Variants in MYO10 observed in about 807,000 individuals in gnomAD.
MYO10 encodes the protein myosin X.
In MYO10, 133 loss-of-function variants were observed where a neutral mutation model predicts 257.3. The ratio of observed to expected loss-of-function variants is 0.52; its 90% CI spans 0.45 to 0.60. The LOEUF (loss-of-function observed/expected upper bound fraction) is 0.60. Among genes scored for constraint, MYO10 ranks in the 20% least tolerant of loss-of-function variants. The pLI is 0.00. For synonymous variants in MYO10, 1,104 were observed against 1,028.6 expected (o/e 1.07, Z -1.40); for missense variants, 2,399 against 2,635.7 (o/e 0.91, Z 1.97).
intron 2 of MYO10, among the ~76,000 whole-genome samples, chr5:16,870,666 GTGAAT>G (rs1744427742): frequency 6.6e-6 from 1 of 152,158 alleles, no homozygotes; most frequent in Non-Finnish European, 1.5e-5. Context: ...GCCAAGGCGG[GTGAAT>G]CATCTGAGGT....
At chr5:16,851,094 A>T (rs1743790198) in intron 2 of MYO10, among the ~76,000 whole-genome samples, 1 of 152,126 alleles carries the variant, frequency 6.6e-6, no homozygotes, top group Admixed American at 6.6e-5. Flanking sequence ...GTGAGCCACC[A>T]CACCTGGCTT....
intron 2 of MYO10, among the ~76,000 whole-genome samples, chr5:16,825,985 TA>T (rs1300488879): frequency 6.6e-6 from 1 of 151,796 alleles, no homozygotes; most frequent in African/African-American, 2.4e-5. Context: ...CTGTCTCTAC[TA>T]AAAATACAAT....
intron 19 of MYO10, among the ~76,000 whole-genome samples, chr5:16,715,046 G>A (rs1738788420): frequency 6.7e-6 from 1 of 149,604 alleles, no homozygotes. Context: ...ATTATTACAC[G>A]TCATATGCCT....
chr5:16,827,545 C>A (rs1477661308), intron 2 of MYO10, among the ~76,000 whole-genome samples: 1 of 152,160 alleles, frequency 6.6e-6, no homozygotes, highest in East Asian at 1.9e-4. Context: ...CCCTGGCTTC[C>A]CAAAGTGTTG....
chr5:16,736,837 A>C (rs28540543), intron 19 of MYO10, among the ~76,000 whole-genome samples: 27,409 of 152,148 alleles, frequency 0.18, 2,608 homozygotes, highest in South Asian at 0.22. Context: ...TTCATAATCC[A>C]GCGGGATTTG....
chr5:16,924,257 G>C (rs944258352), intron 1 of MYO10, among the ~76,000 whole-genome samples: 1 of 152,130 alleles, frequency 6.6e-6, no homozygotes, highest in African/African-American at 2.4e-5. Context: ...AGCCTTGTTT[G>C]CAATTAACAG....
At position 16,681,522 on chromosome 5, in the gene MYO10, G is replaced by C. The variant is rs776665950; in HGVS notation, c.4190-19C>G. The C allele has an allele frequency of 6.3e-7, 1 of 1,589,172 alleles. No homozygotes were observed. The highest frequency in any genetic ancestry group is 1.8e-5 in the Admixed American group (1 of 55,842). ...AACCATCCTGGAAAAAAAGATTAAA[G>C]TGTAAATTAAAATCTGTGAGGAGAA... On this transcript the variant is annotated intron_variant, in intron 31 of 40. Transcript: ENST00000513610.
intron 39 of MYO10, among the ~76,000 whole-genome samples, chr5:16,669,431 CCTGACCT>C (rs917209555): frequency 2.0e-5 from 3 of 152,098 alleles, no homozygotes; most frequent in African/African-American, 7.2e-5. Flanking sequence ...GTCTCGATCT[CCTGACCT>C]CATGATCCGC....
intron 1 of MYO10, among the ~76,000 whole-genome samples, chr5:16,914,448 G>A (rs1051000869): frequency 6.6e-6 from 1 of 152,310 alleles, no homozygotes; most frequent in East Asian, 1.9e-4. Context: ...AGATCAATAT[G>A]CCCCATGACC....
At chr5:16,745,590 G>A (rs529712741) in intron 19 of MYO10, among the ~76,000 whole-genome samples, 2 of 152,168 alleles carry the variant, frequency 1.3e-5, no homozygotes, top group South Asian at 4.2e-4. Flanking sequence ...TTGGGAGGCT[G>A]GGGCAGGAGA....
At chr5:16,834,552 C>A (rs1294740579) in intron 2 of MYO10, among the ~76,000 whole-genome samples, 1 of 152,184 alleles carries the variant, frequency 6.6e-6, no homozygotes, top group African/African-American at 2.4e-5. Flanking sequence ...TAATAATTTT[C>A]TGCTAAAGGG....
chr5:16,774,790 C>T (rs959218057), intron 9 of MYO10, among the ~76,000 whole-genome samples: 1 of 152,096 alleles, frequency 6.6e-6, no homozygotes, highest in Non-Finnish European at 1.5e-5. Context: ...TGGCTGACCA[C>T]CCAAGTTTTC....
At chr5:16,712,101 CA>C (rs1738645854) in intron 19 of MYO10, among the ~76,000 whole-genome samples, 1 of 10,810 alleles carries the variant, frequency 9.3e-5, no homozygotes, top group Non-Finnish European at 1.7e-4. Flanking sequence ...CACACTGTGG[CA>C]GGTGAGGTGG....
At chr5:16,764,477 A>G in intron 11 of MYO10, 81 bp from the exon 12 acceptor site, 1 of 1,517,330 alleles carries the variant, frequency 6.6e-7, no homozygotes, top group South Asian at 1.2e-5. Flanking sequence ...CACTTGAGAG[A>G]CACACACAAG....
At chr5:16,808,830 C>T (rs1457659913) in intron 3 of MYO10, among the ~76,000 whole-genome samples, 11 of 152,108 alleles carry the variant, frequency 7.2e-5, no homozygotes, top group Non-Finnish European at 1.5e-5. Context: ...CGCCACCACG[C>T]CTGGCTAATT....
chr5:16,812,392 G>A (rs1742468318), intron 3 of MYO10, among the ~76,000 whole-genome samples: 1 of 152,174 alleles, frequency 6.6e-6, no homozygotes, highest in South Asian at 2.1e-4. Flanking sequence ...ACTCGGTACG[G>A]CCTCTGTCCC....
chr5:16,843,081 C>A (rs989735871), intron 2 of MYO10, among the ~76,000 whole-genome samples: 14 of 152,052 alleles, frequency 9.2e-5, no homozygotes, highest in Non-Finnish European at 1.9e-4. Context: ...TCCTCCTGTT[C>A]CCCTTGTACT....
At chr5:16,837,546 G>A (rs1743350883) in intron 2 of MYO10, among the ~76,000 whole-genome samples, 2 of 152,154 alleles carry the variant, frequency 1.3e-5, no homozygotes, top group Non-Finnish European at 2.9e-5. Flanking sequence ...AAATTTGACT[G>A]TGGTGATGAC....
chr5:16,882,246 A>C (rs1173708593), intron 1 of MYO10, among the ~76,000 whole-genome samples: 1 of 152,184 alleles, frequency 6.6e-6, no homozygotes, highest in Non-Finnish European at 1.5e-5. Flanking sequence ...TACTGCCAAC[A>C]ATGATTTCCT....
Sources: allele counts gnomAD v4.1 joint callset (sites outside exome capture counted in the v4.1 genomes callset), GRCh38; gene constraint gnomAD v4.1.1; transcripts MANE v1.5; gene names NCBI Gene and HGNC (gene_info 2026-07-23, HGNC 2026-07-21).